ASS1: variants seen among roughly 807,000 people sequenced by gnomAD.
ASS1 encodes the protein argininosuccinate synthase 1.
Under a neutral mutation model 60.5 loss-of-function variants are expected in ASS1, and 58 were observed. The ratio of observed to expected loss-of-function variants is 0.96; its 90% CI spans 0.78 to 1.19. The LOEUF (loss-of-function observed/expected upper bound fraction) is 1.19. ASS1 is among the 50% of genes most tolerant of loss of function. The pLI is 0.00. For synonymous variants in ASS1, 200 were observed against 206.9 expected (o/e 0.97, Z 0.29); for missense variants, 454 against 547.3 (o/e 0.83, Z 1.70).
chr9:130,448,917 C>T (rs1167588178), intron 1 of ASS1, among the ~76,000 whole-genome samples: 3 of 152,164 alleles, frequency 2.0e-5, no homozygotes, highest in Admixed American at 2.0e-4. Context: ...CCTCTTTTTG[C>T]GGTGAGGAGC....
intron 3 of ASS1, among the ~76,000 whole-genome samples, chr9:130,456,583 A>AT (rs1280329453): frequency 3.9e-5 from 6 of 152,094 alleles, no homozygotes; most frequent in Non-Finnish European, 7.4e-5. Flanking sequence ...TTTTAAAAGG[A>AT]TTTTTTTCAA....
In ASS1 at chr9:130,479,946, C is replaced by G. The variant is rs139777871; in HGVS notation, c.773+146C>G. On this transcript the variant is annotated intron_variant, in intron 10 of 14. Coordinates refer to ENST00000352480, the MANE Select transcript of ASS1 (RefSeq NM_054012.4). Reference sequence around the variant, plus strand: ...CCTTCCCCATAGCCACAGAGTTTCCCGGACCAGGGGGACCCATTTGGCAGG... The same window carrying G: ...CCTTCCCCATAGCCACAGAGTTTCCGGGACCAGGGGGACCCATTTGGCAGG... 5.0e-6 allele frequency: 5 copies of G among 993,186 alleles called. No homozygotes were observed. The East Asian group carries it at 1.2e-4, about 24-fold the overall frequency. The allele number at this position is 993,186 out of a possible 1,614,324, so 61.5% of individuals were successfully genotyped here. A position where few individuals can be genotyped will look rare whatever the true frequency, so the allele number is the denominator to read the frequency against.
intron 3 of ASS1, among the ~76,000 whole-genome samples, chr9:130,456,671 T>A (rs780190823): frequency 6.6e-5 from 10 of 152,052 alleles, no homozygotes; most frequent in Non-Finnish European, 1.2e-4. Flanking sequence ...AGGCCTTGGC[T>A]GGGTGCGGTG....
intron 5 of ASS1, among the ~76,000 whole-genome samples, chr9:130,465,438 A>C (rs754466627): frequency 2.6e-5 from 4 of 152,272 alleles, no homozygotes; most frequent in Non-Finnish European, 5.9e-5. Flanking sequence ...GTAAAAAAAT[A>C]ATTATTAATG....
Position 130,501,120 on chromosome 9 carries a change from C to T in ASS1, c.*99C>T. On this transcript the variant is annotated 3_prime_UTR_variant, in exon 15 of 15. Transcript: ENST00000352480. ...AATTTGTAATTGTGACTTGTTCTCCCCGGCTGGCAGCGTAGTGGGGCTGCC... is the reference window on the plus strand; with the variant it reads ...AATTTGTAATTGTGACTTGTTCTCCTCGGCTGGCAGCGTAGTGGGGCTGCC... The T allele has an allele frequency of 3.6e-6, 5 of 1,390,536 alleles. No homozygotes were observed. The highest frequency in any genetic ancestry group is 5.0e-6 in the Non-Finnish European group (5 of 992,668). The allele number at this position is 1,390,536 out of a possible 1,614,324, so 86.1% of individuals were successfully genotyped here.
At chr9:130,463,887 C>T (rs767198048) in intron 4 of ASS1, among the ~76,000 whole-genome samples, 4 of 151,876 alleles carry the variant, frequency 2.6e-5, no homozygotes, top group East Asian at 2.0e-4. Context: ...CACCCACCCA[C>T]GTGACATGTG....
intron 5 of ASS1, among the ~76,000 whole-genome samples, chr9:130,465,405 T>C (rs747427656): frequency 6.6e-6 from 1 of 152,260 alleles, no homozygotes; most frequent in Non-Finnish European, 1.5e-5. Flanking sequence ...ATCCAAAATA[T>C]TATCATTCCT....
chr9:130,449,527 T>C (rs989532809), intron 1 of ASS1, among the ~76,000 whole-genome samples: 8 of 151,830 alleles, frequency 5.3e-5, no homozygotes, highest in African/African-American at 1.9e-4. Flanking sequence ...CAGAGCTGGG[T>C]GAATCTTGGG....
chr9:130,445,119 G>C (rs1204978026), intron 1 of ASS1, 124 bp downstream of exon 1: 3 of 983,958 alleles, frequency 3.0e-6, no homozygotes, highest in African/African-American at 1.7e-5. Context: ...GGCGGACCCC[G>C]ATCGCCACTC....
In ASS1 at chr9:130,454,056, C is replaced by A. The variant is rs566387811; in HGVS notation, c.106-249C>A. ...AGCAGCCTGTGTGGCCAGGGCCAGG[C>A]TCAGCCAATGCTCCAACCCATGGAA... On this transcript the variant is annotated intron_variant, in intron 2 of 14. Coordinates refer to ENST00000352480, the MANE Select transcript of ASS1 (RefSeq NM_054012.4). 2.0e-5 allele frequency among the ~76,000 whole-genome samples: 3 copies of A among 152,372 alleles called. No homozygotes were observed. The East Asian group carries it at 5.8e-4, about 29-fold the overall frequency.
chr9:130,470,071 C>A lies in ASS1; in HGVS notation c.496-763C>A. Among the ~76,000 whole-genome samples the A allele has an allele frequency of 6.6e-6, 1 of 152,194 alleles. No individual in the cohort carries two copies. The highest frequency in any genetic ancestry group is 2.1e-4 in the South Asian group (1 of 4,814). The stretch of plus-strand genomic sequence containing the variant: ...GTGCACGAGCTGGATTCCAGTCGGG[C>A]GTCATCAAGGGTGGTGCGGGTCCCC... On this transcript the variant is annotated intron_variant, in intron 6 of 14. Transcript: ENST00000352480. This position sits in a 1 kb window ranked among gnomAD's most constrained non-coding sequence, Gnocchi z 4.3.
chr9:130,476,556 C>T lies in ASS1; in HGVS notation c.598-315C>T, dbSNP rs920341122. 8.8e-5 allele frequency: 44 copies of T among 500,636 alleles called. No individual in the cohort carries two copies. The South Asian group carries it at 8.9e-4, about 10-fold the overall frequency. 31.0% of individuals were successfully genotyped at this position (500,636 alleles called of 1,614,324 possible). Reference sequence around the variant, plus strand: ...AAGCCCTCGGAACGCCGCCTTGCTCCTCCAAAGTCACACTTTTTCCTGCCT... The same window carrying T: ...AAGCCCTCGGAACGCCGCCTTGCTCTTCCAAAGTCACACTTTTTCCTGCCT... On this transcript the variant is annotated intron_variant, in intron 8 of 14. Transcript: ENST00000352480. The surrounding 1 kb of genome is among the most constrained non-coding windows in gnomAD (Gnocchi z 4.9).
At position 130,459,439 on chromosome 9, in the gene ASS1, T is replaced by G. The variant is rs1011207621; in HGVS notation, c.363+850T>G. Among the ~76,000 whole-genome samples the G allele has an allele frequency of 2.6e-5, 4 of 152,020 alleles. No homozygotes were observed. Among genetic ancestry groups the G allele is most frequent in the African/African-American group, 9.7e-5 (4 of 41,408 alleles). ...AACTTGGTTACTTTTTGTGTGTGTG[T>G]GTGGGGGAGAGGGACAAAGTCTCAC... On this transcript the variant is annotated intron_variant, in intron 4 of 14. Coordinates refer to ENST00000352480, the MANE Select transcript of ASS1 (RefSeq NM_054012.4). The surrounding 1 kb of genome is among the most constrained non-coding windows in gnomAD (Gnocchi z 4.6).
At chr9:130,462,491 G>T (rs542717019) in intron 4 of ASS1, among the ~76,000 whole-genome samples, 1 of 152,120 alleles carries the variant, frequency 6.6e-6, no homozygotes, top group Admixed American at 6.5e-5. Flanking sequence ...CCAAGGAAGC[G>T]TTTGTTTGGC....
chr9:130,476,896 C>T lies in ASS1; in HGVS notation c.623C>T (p.Thr208Met), dbSNP rs776441071. The T allele has an allele frequency of 2.2e-5, 36 of 1,613,978 alleles. No homozygotes were observed. Among genetic ancestry groups the T allele is most frequent in the South Asian group, 5.5e-5 (5 of 91,080 alleles). The change falls in exon 9 of 15, where the codon ACG becomes ATG. Residue 208 changes from threonine (T) to methionine (M), a missense_variant. Thr to Met is a moderately conservative substitution (Grantham distance 81). Coordinates refer to ENST00000352480, the MANE Select transcript of ASS1 (RefSeq NM_054012.4). This position sits in a 1 kb window ranked among gnomAD's most constrained non-coding sequence, Gnocchi z 4.9. ...AACCAAGCGCCTCCAGGTCTCTACA[C>T]GAAGACCCAGGACCCAGCCAAAGCC... ...PKNQAPPGLYTKTQDPAKAPN... is the reference protein window; with the variant it reads ...PKNQAPPGLYMKTQDPAKAPN...
chr9:130,456,142 G>A (rs1393132755), intron 3 of ASS1, among the ~76,000 whole-genome samples: 2 of 152,206 alleles, frequency 1.3e-5, no homozygotes, highest in African/African-American at 4.8e-5. Context: ...TAATTTACGT[G>A]GCGTTTTTAA....
rs573721939 is a variant in ASS1, at chr9:130,478,060, T to A, written c.688+1099T>A. The stretch of plus-strand genomic sequence containing the variant: ...CTCATCAAAAAACGGACCACAGGCA[T>A]GATGCTCACAGGTGCCCGGCATGGT... On this transcript the variant is annotated intron_variant, in intron 9 of 14. Transcript: ENST00000352480. This position sits in a 1 kb window ranked among gnomAD's most constrained non-coding sequence, Gnocchi z 4.7. Among the ~76,000 whole-genome samples, 1 of 152,294 alleles carries A rather than the reference T, an allele frequency of 6.6e-6. No individual in the cohort carries two copies. The highest frequency in any genetic ancestry group is 1.9e-4 in the East Asian group (1 of 5,172).
chr9:130,450,933 T>C (rs77874222), intron 1 of ASS1, among the ~76,000 whole-genome samples: 3,468 of 152,222 alleles, frequency 0.023, 124 homozygotes, highest in African/African-American at 0.079. Context: ...CCTGTACATT[T>C]GGGAAATGCG....
intron 8 of ASS1, among the ~76,000 whole-genome samples, chr9:130,471,908 G>T (rs987950035): frequency 2.6e-5 from 4 of 152,052 alleles, no homozygotes; most frequent in Admixed American, 1.3e-4. Flanking sequence ...TGTGGGGGGT[G>T]GGGGGAGGCA....
Sources: allele counts gnomAD v4.1 joint callset (sites outside exome capture counted in the v4.1 genomes callset), GRCh38; gene constraint gnomAD v4.1.1; non-coding constraint Gnocchi (gnomAD v3.1); transcripts MANE v1.5; gene names NCBI Gene and HGNC (gene_info 2026-07-23, HGNC 2026-07-21).